Variants in NFIB observed in about 807,000 individuals in gnomAD.
NFIB encodes nuclear factor I B.
Under a neutral mutation model 61.5 loss-of-function variants are expected in NFIB, and 11 were observed. The ratio of observed to expected loss-of-function variants is 0.18; its 90% confidence interval spans 0.11 to 0.30. The LOEUF is 0.30. Ranked by LOEUF, NFIB falls within the 10% of genes least tolerant of loss-of-function variation. The pLI is 1.00. For missense variants in NFIB, 471 were observed against 608.9 expected (o/e 0.77, Z 2.38); for synonymous variants, 260 against 216.5 (o/e 1.20, Z -1.76).
intron 2 of NFIB, among the ~76,000 whole-genome samples, chr9:14,289,359 G>T (rs1423839816): frequency 6.6e-6 from 1 of 151,346 alleles, no homozygotes; most frequent in Non-Finnish European, 1.5e-5. Context: ...GGGAAAAGAA[G>T]TATGAAAATA....
At chr9:14,145,796 G>A (rs1475101798) in intron 6 of NFIB, among the ~76,000 whole-genome samples, 14 of 151,434 alleles carry the variant, frequency 9.2e-5, no homozygotes, top group African/African-American at 2.4e-4. Context: ...GACTACAGGC[G>A]CACACCACTA....
At chr9:14,268,236 T>C (rs892633368) in intron 2 of NFIB, among the ~76,000 whole-genome samples, 2 of 152,210 alleles carry the variant, frequency 1.3e-5, no homozygotes, top group Non-Finnish European at 2.9e-5. Context: ...TCACTCCATT[T>C]TCTTCCTTCA....
At chr9:14,317,811 T>C (rs1464620759), upstream of NFIB, among the ~76,000 whole-genome samples, 6 of 152,192 alleles carry the variant, frequency 3.9e-5, no homozygotes, top group Non-Finnish European at 8.8e-5. Flanking sequence ...ACACAACACT[T>C]GTCCACCACC....
chr9:14,158,275 G>C (rs2043701114), intron 3 of NFIB, among the ~76,000 whole-genome samples: 1 of 152,036 alleles, frequency 6.6e-6, no homozygotes, highest in Admixed American at 6.6e-5. Context: ...CCTGAGATGA[G>C]ATGGCCCTCT....
intron 2 of NFIB, among the ~76,000 whole-genome samples, chr9:14,183,665 A>G (rs1469771405): frequency 6.6e-6 from 1 of 152,084 alleles, no homozygotes; most frequent in East Asian, 1.9e-4. Flanking sequence ...TCGGCCTCCC[A>G]AAGTGCTGGG....
Position 14,179,730 on chromosome 9 carries a change from G to C in NFIB, c.613C>G (p.Pro205Ala). 5.6e-6 allele frequency: 9 copies of C among 1,613,492 alleles called. No homozygotes were observed. Among genetic ancestry groups the C allele is most frequent in the Non-Finnish European group, 7.6e-6 (9 of 1,179,654 alleles). ...ATGTCCTGGAACACATATTTACCTG[G>C]AGGATTCTTGGCAGGATCATTGTGG... ...PSHNDPAKNP[P>A]GYLEDSFVKS... Residue 205 changes from proline to alanine, a missense_variant, in exon 3 of 11, where the codon CCA becomes GCA. Pro to Ala is a conservative substitution (Grantham distance 27). This residue lies in a region of NFIB where 372 missense variants were observed against 395.6 expected (regional missense o/e 0.94). Coordinates refer to ENST00000380953, the MANE Select transcript of NFIB (RefSeq NM_001190737.2).
intron 2 of NFIB, chr9:14,305,929 C>T: frequency 7.9e-7 from 1 of 1,272,436 alleles, no homozygotes. Context: ...TGGTATGCGG[C>T]TTTGTAAAAT....
At position 14,116,207 on chromosome 9, in the gene NFIB, C is replaced by G; in HGVS notation, c.1384+1G>C. 1 of 1,500,724 alleles carries G rather than the reference C, an allele frequency of 6.7e-7. No homozygotes were observed. Among genetic ancestry groups the G allele is most frequent in the Non-Finnish European group, 8.9e-7 (1 of 1,118,654 alleles). The allele number at this position is 1,500,724 out of a possible 1,614,324, so 93.0% of individuals were successfully genotyped here. A position where few individuals can be genotyped will look rare whatever the true frequency, so the allele number is the denominator to read the frequency against. ...GGTTGCTGTAGGTGAAGCTGCCTCA[C>G]CTTCAGTGGATGTAGTGATGGGTTT... On this transcript the variant is annotated splice_donor_variant, in intron 9 of 10. Transcript: ENST00000380953. LOFTEE classifies it high-confidence loss of function.
the NFIB span, among the ~76,000 whole-genome samples, chr9:14,481,203 A>G: frequency 1.2e-3 from 58 of 49,110 alleles, 2 homozygotes; most frequent in African/African-American, 1.4e-3. Flanking sequence ...GTGTGTATAT[A>G]TATATATATA....
rs77409865 is a variant in NFIB, at chr9:14,211,838, C to T, written c.563-32058G>A. Among the ~76,000 whole-genome samples, 216 of 152,322 alleles carry T rather than the reference C, an allele frequency of 1.4e-3. 3 individuals carry two copies. The highest frequency in any genetic ancestry group is 5.0e-3 in the African/African-American group (207 of 41,576). On this transcript the variant is annotated intron_variant, in intron 2 of 10. Transcript: ENST00000380953. ...TTTGAGTTGTGACATGAATATTGTA[C>T]TTTCAATAAAGGAGGTATACACTTT...
the NFIB span, among the ~76,000 whole-genome samples, chr9:14,481,441 C>A: frequency 6.6e-6 from 1 of 151,354 alleles, no homozygotes; most frequent in African/African-American, 2.4e-5. Flanking sequence ...GCATTAAAAT[C>A]TTTGTCTCTG....
chr9:14,322,247 C>A (rs979522158), intron 1 of NFIB: 5 of 614,262 alleles, frequency 8.1e-6, no homozygotes, highest in Non-Finnish European at 1.1e-5. Context: ...TCTTTCCTCT[C>A]CCTTGCAGAA....
intron 2 of NFIB, among the ~76,000 whole-genome samples, chr9:14,284,955 T>A (rs910469228): frequency 2.0e-5 from 3 of 152,020 alleles, no homozygotes; most frequent in Non-Finnish European, 4.4e-5. Flanking sequence ...AATAAACACA[T>A]CCAATTTCAA....
chr9:14,328,149 C>A (rs1427366311), intron 1 of NFIB, among the ~76,000 whole-genome samples: 1 of 152,162 alleles, frequency 6.6e-6, no homozygotes, highest in Non-Finnish European at 1.5e-5. Flanking sequence ...TTGCTCCCCG[C>A]CTTTTTTTCT....
At chr9:14,498,996 ATG>A in the NFIB span, among the ~76,000 whole-genome samples, 24 of 149,746 alleles carry the variant, frequency 1.6e-4, no homozygotes, top group Admixed American at 2.7e-4. Context: ...AATTGTGTGT[ATG>A]TGTGTGTGTG....
chr9:14,453,214 A>G, the NFIB span, among the ~76,000 whole-genome samples: 1 of 152,242 alleles, frequency 6.6e-6, no homozygotes, highest in Non-Finnish European at 1.5e-5. Flanking sequence ...AGCAAAGGAT[A>G]AAAACAGACA....
chr9:14,223,504 G>A (rs1026100022), intron 2 of NFIB, among the ~76,000 whole-genome samples: 1 of 151,892 alleles, frequency 6.6e-6, no homozygotes, highest in African/African-American at 2.4e-5. Flanking sequence ...ATTTTTTTTA[G>A]GGCATTTGTC....
chr9:14,522,995 C>T, the NFIB span, among the ~76,000 whole-genome samples: 1 of 152,156 alleles, frequency 6.6e-6, no homozygotes, highest in Non-Finnish European at 1.5e-5. Context: ...TCTCTACCAT[C>T]ATTTCACTTT....
intron 1 of NFIB, among the ~76,000 whole-genome samples, chr9:14,347,540 C>T (rs182966062): frequency 6.6e-6 from 1 of 151,834 alleles, no homozygotes; most frequent in East Asian, 2.0e-4. Context: ...GGCAAGCTAA[C>T]AGTGCTGGGG....
Sources: gnomAD v4.1 joint callset for allele counts (sites outside exome capture counted in the v4.1 genomes callset) on GRCh38, gnomAD v4.1.1 for gene constraint, gnomAD v4.1.1 regional missense constraint, MANE v1.5 for transcripts, NCBI Gene and HGNC (gene_info 2026-07-23, HGNC 2026-07-21) for gene names.